The following ASIP variants were observed in gnomAD, a reference collection of about 807,000 sequenced individuals.
The protein encoded by ASIP is agouti-signaling protein.
In ASIP, 11 loss-of-function variants were observed where a neutral mutation model predicts 10.3. That is an observed-to-expected ratio of 1.07 (90% confidence interval 0.68 to 1.78). The LOEUF (loss-of-function observed/expected upper bound fraction) is 1.78. Among genes scored for constraint, ASIP ranks in the 40% most tolerant of loss-of-function variants. The pLI, the probability that ASIP is intolerant of heterozygous loss-of-function variation, is 0.00. For missense variants in ASIP, 180 were observed against 169.2 expected (o/e 1.06, Z -0.35); for synonymous variants, 70 against 70.8 (o/e 0.99, Z 0.06).
At chr20:34,235,240 G>C (rs555572890) in intron 1 of ASIP, among the ~76,000 whole-genome samples, 1 of 152,242 alleles carries the variant, frequency 6.6e-6, no homozygotes, top group South Asian at 2.1e-4. Flanking sequence ...AGGAGTTTGA[G>C]ACCAGCCTGA....
chr20:34,258,751 ATAAT>A (rs1162216462), intron 1 of ASIP, among the ~76,000 whole-genome samples: 1 of 88,336 alleles, frequency 1.1e-5, no homozygotes, highest in Non-Finnish European at 1.9e-5. Flanking sequence ...TATACTATAT[ATAAT>A]ATATGATATA....
chr20:34,240,142 A>G (rs1408807348), upstream of ASIP, among the ~76,000 whole-genome samples: 2 of 152,204 alleles, frequency 1.3e-5, no homozygotes, highest in African/African-American at 4.8e-5. Flanking sequence ...AATCATTTGG[A>G]AAGAAGGGAA....
chr20:34,214,477 A>C, intron 1 of ASIP: 1 of 1,514,328 alleles, frequency 6.6e-7, no homozygotes, highest in South Asian at 1.1e-5. Flanking sequence ...GCACCATGAG[A>C]TAGATACTGG....
chr20:34,240,741 C>T (rs79705337), upstream of ASIP, among the ~76,000 whole-genome samples: 1,974 of 152,176 alleles, frequency 0.013, 39 homozygotes, highest in African/African-American at 0.045. Flanking sequence ...TGTTTTATTC[C>T]GTCTCTTGGG....
Position 34,196,173 on chromosome 20 carries a change from CTTTTT to C in ASIP, c.-11+1433_-11+1437del, listed in dbSNP as rs34524786. Reference sequence around the variant, plus strand: ...GAACTCTCATTGAAAAGGGAGATTTCTTTTTTTTTTTTTTTTTTTTTTTTGAGACG... The same window carrying C: ...GAACTCTCATTGAAAAGGGAGATTTCTTTTTTTTTTTTTTTTTTTGAGACG... On this transcript the variant is annotated intron_variant, in intron 1 of 3. Transcript: ENST00000568305. Among the ~76,000 whole-genome samples, 826 of 83,696 alleles carry C rather than the reference CTTTTT, an allele frequency of 9.9e-3. 10 individuals carry two copies. The highest frequency in any genetic ancestry group is 0.038 in the African/African-American group (767 of 20,346). 54.9% of individuals were successfully genotyped at this position (83,696 alleles called of 152,430 possible). A position where few individuals can be genotyped will look rare whatever the true frequency, so the allele number is the denominator to read the frequency against.
At chr20:34,254,516 A>C (rs1365601493) in intron 1 of ASIP, among the ~76,000 whole-genome samples, 1 of 152,162 alleles carries the variant, frequency 6.6e-6, no homozygotes, top group Non-Finnish European at 1.5e-5. Flanking sequence ...TTGGCAACTC[A>C]TTTGGCAGCA....
At chr20:34,265,628 T>G (rs2035770708) in intron 3 of ASIP, among the ~76,000 whole-genome samples, 1 of 151,672 alleles carries the variant, frequency 6.6e-6, no homozygotes, top group South Asian at 2.1e-4. Flanking sequence ...CTAGTATCAC[T>G]TACCATAAAT....
chr20:34,263,636 C>T (rs1178548890), intron 3 of ASIP, among the ~76,000 whole-genome samples: 1 of 151,760 alleles, frequency 6.6e-6, no homozygotes, highest in East Asian at 1.9e-4. Context: ...CTCATGGGTC[C>T]ACTTATACAT....
intron 3 of ASIP, among the ~76,000 whole-genome samples, chr20:34,263,974 T>C (rs2035741729): frequency 2.6e-5 from 4 of 152,160 alleles, no homozygotes; most frequent in Admixed American, 2.6e-4. Context: ...CCCAGCTGAC[T>C]TTTTAAATTG....
At chr20:34,210,718 C>T (rs2034969096) in intron 1 of ASIP, among the ~76,000 whole-genome samples, 2 of 152,186 alleles carry the variant, frequency 1.3e-5, no homozygotes, top group African/African-American at 4.8e-5. Flanking sequence ...TGCAACAGTA[C>T]TAGGTTGAAT....
intron 1 of ASIP, among the ~76,000 whole-genome samples, chr20:34,224,817 TCAAAGCTTGG>T (rs2035081519): frequency 6.6e-6 from 1 of 151,426 alleles, no homozygotes; most frequent in Non-Finnish European, 1.5e-5. Context: ...GGTCTAATAT[TCAAAGCTTGG>T]CAAACATGAC....
At chr20:34,206,878 C>A (rs1307562613) in intron 1 of ASIP, among the ~76,000 whole-genome samples, 1 of 152,152 alleles carries the variant, frequency 6.6e-6, no homozygotes, top group Non-Finnish European at 1.5e-5. Context: ...GCCCATATAC[C>A]ACGTTTTTTA....
intron 1 of ASIP, among the ~76,000 whole-genome samples, chr20:34,201,056 C>CTTTCTTTCTTTCT (rs2034896157): frequency 1.1e-5 from 1 of 94,290 alleles, no homozygotes; most frequent in Non-Finnish European, 2.3e-5. Flanking sequence ...TTCTTTCTTT[C>CTTTCTTTCTTTCT]TTTCTTTTTT....
At chr20:34,189,827 C>T (rs1217177960), upstream of ASIP, among the ~76,000 whole-genome samples, 1 of 152,126 alleles carries the variant, frequency 6.6e-6, no homozygotes, top group Non-Finnish European at 1.5e-5. Context: ...CCCACCAACC[C>T]CAGTCACTCA....
chr20:34,190,898 T>C (rs1396333056), upstream of ASIP, among the ~76,000 whole-genome samples: 7 of 152,186 alleles, frequency 4.6e-5, no homozygotes, highest in Non-Finnish European at 1.0e-4. Context: ...TCAGGGAATG[T>C]CTTTGTCTGA....
chr20:34,235,620 T>C (rs1176254666), intron 1 of ASIP, among the ~76,000 whole-genome samples: 1 of 151,682 alleles, frequency 6.6e-6, no homozygotes, highest in East Asian at 1.9e-4. Flanking sequence ...TTGTTTGTGA[T>C]GTTGAAAGAA....
upstream of ASIP, among the ~76,000 whole-genome samples, chr20:34,237,711 G>C (rs1345873575): frequency 2.0e-5 from 3 of 152,140 alleles, no homozygotes; most frequent in Non-Finnish European, 4.4e-5. Context: ...GTGAAAGCAG[G>C]CATCTTTGTC....
At chr20:34,190,830 A>G (rs574519457), upstream of ASIP, among the ~76,000 whole-genome samples, 49 of 152,304 alleles carry the variant, frequency 3.2e-4, no homozygotes, top group South Asian at 1.2e-3. Flanking sequence ...AGGAGCCCCA[A>G]TCCTGAGCAA....
intron 1 of ASIP, among the ~76,000 whole-genome samples, chr20:34,249,817 C>A (rs1374681766): frequency 6.6e-6 from 1 of 152,292 alleles, no homozygotes; most frequent in East Asian, 1.9e-4. Context: ...GGCCAGAGAA[C>A]CCATTATGGA....
Sources: gnomAD v4.1 joint callset for allele counts (sites outside exome capture counted in the v4.1 genomes callset) on GRCh38, gnomAD v4.1.1 for gene constraint, MANE v1.5 for transcripts, NCBI Gene and HGNC (gene_info 2026-07-23, HGNC 2026-07-21) for gene names.